COPS2: variants seen among roughly 807,000 people sequenced by gnomAD.
The protein encoded by COPS2 is COP9 signalosome subunit 2, also known as COP9 signalosome complex subunit 2.
COPS2 carries 10 observed loss-of-function variants against 66.1 expected under a neutral mutation model. The observed-to-expected ratio is 0.15, with a 90% CI of 0.09 to 0.26. The LOEUF (loss-of-function observed/expected upper bound fraction) is 0.26, where lower values mean the gene tolerates loss of function less well. COPS2 is among the 10% of genes least tolerant of loss of function. The pLI, the probability that COPS2 is intolerant of heterozygous loss-of-function variation, is 1.00. For synonymous variants in COPS2, 179 were observed against 171.3 expected (o/e 1.04, Z -0.35); for missense variants, 215 against 513.3 (o/e 0.42, Z 5.62).
At chr15:49,135,146 ATT>A (rs2084241967) in intron 6 of COPS2, among the ~76,000 whole-genome samples, 1 of 152,186 alleles carries the variant, frequency 6.6e-6, no homozygotes, top group African/African-American at 2.4e-5. Context: ...AAAATATCTT[ATT>A]TTCAGACCAC....
chr15:49,127,636 T>C lies in COPS2; in HGVS notation c.*314A>G, dbSNP rs759254544. ...ACCAACAGTAGCGTGTCAGTGTATT[T>C]AAAATCATGACAAAAATCTTCTCTC... On this transcript the variant is annotated 3_prime_UTR_variant, in exon 13 of 13. Transcript: ENST00000388901. 47 of 228,116 alleles carry C rather than the reference T, an allele frequency of 2.1e-4. No individual in the cohort carries two copies. Among genetic ancestry groups the C allele is most frequent in the Non-Finnish European group, 3.4e-4 (40 of 117,580 alleles). The allele number at this position is 228,116 out of a possible 1,614,324, so 14.1% of individuals were successfully genotyped here. A position where few individuals can be genotyped will look rare whatever the true frequency, so the allele number is the denominator to read the frequency against.
chr15:49,136,407 G>T (rs2141126310), intron 6 of COPS2, among the ~76,000 whole-genome samples: 1 of 152,038 alleles, frequency 6.6e-6, no homozygotes, highest in East Asian at 1.9e-4. Context: ...AGAAAATAAA[G>T]AACTCAGTAC....
At chr15:49,130,471 G>T (rs1418494941) in intron 10 of COPS2, among the ~76,000 whole-genome samples, 2 of 151,632 alleles carry the variant, frequency 1.3e-5, no homozygotes, top group African/African-American at 4.8e-5. Flanking sequence ...TTTTAAAAAG[G>T]GACAGTTACC....
At chr15:49,143,657 A>G (rs933944126) in intron 3 of COPS2, among the ~76,000 whole-genome samples, 7 of 152,226 alleles carry the variant, frequency 4.6e-5, no homozygotes, top group African/African-American at 1.7e-4. Flanking sequence ...ACTCCAAAGT[A>G]AACACTAATC....
At position 49,139,583 on chromosome 15, in the gene COPS2, T is replaced by C; in HGVS notation, c.317A>G (p.Asn106Ser). ...LTYIRSAVTR[N>S]YSEKSINSIL... ...AGAATTAATGGATTTTTCAGAATAA[T>C]TTCTTGTGACTGCACTCCGAATATA... The change falls in exon 4 of 13, where the codon AAT (asparagine) becomes AGT (serine). Residue 106 changes from asparagine to serine, a missense_variant. Physicochemically the swap from Asn to Ser is conservative, Grantham distance 46 (BLOSUM62 1). Around this residue, in one of 5 missense-constraint regions of COPS2, gnomAD observed 90 missense variants for 225.1 expected, o/e 0.40. Transcript: ENST00000388901. 1 of 1,597,964 alleles carries C rather than the reference T, an allele frequency of 6.3e-7. No homozygotes were observed. The highest frequency in any genetic ancestry group is 8.6e-7 in the Non-Finnish European group (1 of 1,165,960).
chr15:49,134,286 A>G, intron 7 of COPS2, 54 bp downstream of exon 7: 1 of 1,553,794 alleles, frequency 6.4e-7, no homozygotes, highest in South Asian at 1.2e-5. Flanking sequence ...GAGTTTAATT[A>G]AACACTTTGA....
chr15:49,149,567 G>T (rs1469544211), intron 1 of COPS2, among the ~76,000 whole-genome samples: 1 of 152,114 alleles, frequency 6.6e-6, no homozygotes, highest in Non-Finnish European at 1.5e-5. Flanking sequence ...ATTACAAAAC[G>T]CTTAGTGAGT....
At chr15:49,150,742 T>C (rs533367099) in intron 1 of COPS2, among the ~76,000 whole-genome samples, 1 of 152,110 alleles carries the variant, frequency 6.6e-6, no homozygotes, top group Non-Finnish European at 1.5e-5. Context: ...GAACAGACAC[T>C]AGGGCCTGCT....
chr15:49,146,450 A>G (rs1197832982), intron 1 of COPS2, among the ~76,000 whole-genome samples: 4 of 152,174 alleles, frequency 2.6e-5, no homozygotes, highest in Non-Finnish European at 5.9e-5. Context: ...GAATAAGCCA[A>G]CCATACACAG....
At chr15:49,134,660 T>C in intron 6 of COPS2, 146 bp from the exon 7 acceptor site, 1 of 609,148 alleles carries the variant, frequency 1.6e-6, no homozygotes, top group East Asian at 3.1e-5. Context: ...GTACTAAGAA[T>C]ACCACTTGTA....
In COPS2 at chr15:49,126,746, CTTCAAAGCCAGTTAT is replaced by C. The variant is rs2084170307; in HGVS notation, c.*1189_*1203del. On this transcript the variant is annotated 3_prime_UTR_variant, in exon 13 of 13. Transcript: ENST00000388901. ...ACCTTTAAAACTCTTTTGGGATTGCCTTCAAAGCCAGTTATATACTTTCTGCATTACCTCAAAGTT... is the reference window on the plus strand; with the variant it reads ...ACCTTTAAAACTCTTTTGGGATTGCCATACTTTCTGCATTACCTCAAAGTT... 1 of 152,068 alleles carries C rather than the reference CTTCAAAGCCAGTTAT, an allele frequency of 6.6e-6. No individual in the cohort carries two copies. The highest frequency in any genetic ancestry group is 1.5e-5 in the Non-Finnish European group (1 of 67,974). The allele number at this position is 152,068 out of a possible 1,614,324, so 9.4% of individuals were successfully genotyped here. A position where few individuals can be genotyped will look rare whatever the true frequency, so the allele number is the denominator to read the frequency against.
intron 1 of COPS2, among the ~76,000 whole-genome samples, chr15:49,145,420 G>T (rs554455064): frequency 6.6e-5 from 10 of 152,266 alleles, no homozygotes; most frequent in African/African-American, 2.4e-4. Flanking sequence ...CGTTAGTCAT[G>T]AAATCTGAGG....
At chr15:49,129,848 A>G (rs1427416582) in intron 10 of COPS2, among the ~76,000 whole-genome samples, 2 of 152,246 alleles carry the variant, frequency 1.3e-5, no homozygotes, top group East Asian at 1.9e-4. Context: ...TCAACAGTTA[A>G]TATCTTTAAA....
In COPS2 at chr15:49,144,992, T is replaced by C; in HGVS notation, c.141A>G (p.Pro47=). Residue 47 remains proline, a synonymous_variant, in exon 2 of 13, where the codon CCA becomes CCG. Coordinates refer to ENST00000388901, the MANE Select transcript of COPS2 (RefSeq NM_004236.4). ...YNSKALKEDD[P]KAALSSFQKV... is the part of the protein sequence containing the mutation. The stretch of plus-strand genomic sequence containing the variant: ...TTTGGAAACTGCTTAATGCCGCTTT[T>C]GGGTCATCTTCTTTTAATGCTTTGG... 6.3e-7 allele frequency: 1 copy of C among 1,595,660 alleles called. No individual in the cohort carries two copies. The highest frequency in any genetic ancestry group is 1.1e-5 in the South Asian group (1 of 87,118).
rs1409549221 is a variant in COPS2, at chr15:49,125,812, A to C, written c.*2138T>G. On this transcript the variant is annotated 3_prime_UTR_variant, in exon 13 of 13. Transcript: ENST00000388901. ...TAACTTTGGATACTGTTATATATTT[A>C]GCCCAGTTTTCCAAATAACAAGTGC... The C allele has an allele frequency of 6.6e-6, 1 of 152,140 alleles. No homozygotes were observed. Among genetic ancestry groups the C allele is most frequent in the Non-Finnish European group, 1.5e-5 (1 of 67,954 alleles). 9.4% of individuals were successfully genotyped at this position (152,140 alleles called of 1,614,324 possible). A position where few individuals can be genotyped will look rare whatever the true frequency, so the allele number is the denominator to read the frequency against.
chr15:49,155,004 A>C (rs1230917469), intron 1 of COPS2, among the ~76,000 whole-genome samples: 2 of 152,202 alleles, frequency 1.3e-5, no homozygotes, highest in Non-Finnish European at 2.9e-5. Context: ...GGCCCTGGCA[A>C]GACTATTTAA....
intron 9 of COPS2, 150 bp from the exon 10 acceptor site, chr15:49,130,966 C>T (rs544005057): frequency 7.9e-5 from 35 of 441,838 alleles, no homozygotes; most frequent in African/African-American, 6.7e-4. Flanking sequence ...TAAACAAGCA[C>T]ACATAACCTT....
intron 1 of COPS2, 61 bp downstream of exon 1, chr15:49,155,464 G>T: frequency 6.4e-7 from 1 of 1,555,500 alleles, no homozygotes; most frequent in South Asian, 1.1e-5. Context: ...CGGGCGCCCC[G>T]GCCCGGACCC....
chr15:49,130,271 T>TA (rs2084198433), intron 10 of COPS2, among the ~76,000 whole-genome samples: 2 of 152,180 alleles, frequency 1.3e-5, no homozygotes, highest in South Asian at 4.1e-4. Context: ...TATAACTTGC[T>TA]AAAAACCTCA....
Sources: gnomAD v4.1 joint callset for allele counts (sites outside exome capture counted in the v4.1 genomes callset) on GRCh38, gnomAD v4.1.1 for gene constraint, gnomAD v4.1.1 regional missense constraint, MANE v1.5 for transcripts, NCBI Gene and HGNC (gene_info 2026-07-23, HGNC 2026-07-21) for gene names.